The following PDE4D variants were observed in gnomAD, a reference collection of about 807,000 sequenced individuals.
The protein encoded by PDE4D is 3',5'-cyclic-AMP phosphodiesterase 4D.
Under a neutral mutation model 87.4 loss-of-function variants are expected in PDE4D, and 24 were observed. That is an observed-to-expected ratio of 0.27 (90% CI 0.20 to 0.39). The LOEUF (loss-of-function observed/expected upper bound fraction) is 0.39, where lower values mean the gene tolerates loss of function less well. Among genes scored for constraint, PDE4D ranks in the 10% least tolerant of loss-of-function variants. The pLI is 1.00. For synonymous variants in PDE4D, 384 were observed against 383.2 expected (o/e 1.00, Z -0.02); for missense variants, 714 against 1,041.0 (o/e 0.69, Z 4.32).
chr5:60,201,685 T>C (rs944525811), intron 1 of PDE4D, among the ~76,000 whole-genome samples: 2 of 152,140 alleles, frequency 1.3e-5, no homozygotes, highest in African/African-American at 4.8e-5. Context: ...TTCCCCCTTG[T>C]CTCCCATTGC....
intron 2 of PDE4D, among the ~76,000 whole-genome samples, chr5:60,092,522 T>A (rs970831679): frequency 6.6e-6 from 1 of 152,080 alleles, no homozygotes; most frequent in Non-Finnish European, 1.5e-5. Context: ...ACACATTGTA[T>A]ACATGTATAA....
intron 1 of PDE4D, among the ~76,000 whole-genome samples, chr5:60,255,180 G>T (rs1748909182): frequency 6.6e-6 from 1 of 151,778 alleles, no homozygotes; most frequent in Non-Finnish European, 1.5e-5. Flanking sequence ...ATTTAACCAG[G>T]GATGATAAGC....
intron 11 of PDE4D, among the ~76,000 whole-genome samples, chr5:58,984,940 T>A (rs1185946858): frequency 6.6e-6 from 1 of 152,174 alleles, no homozygotes; most frequent in Non-Finnish European, 1.5e-5. Flanking sequence ...GAGATGGAGT[T>A]TCACTCTTGT....
At chr5:59,360,980 A>G (rs1782125806) in intron 1 of PDE4D, among the ~76,000 whole-genome samples, 1 of 152,230 alleles carries the variant, frequency 6.6e-6, no homozygotes, top group African/African-American at 2.4e-5. Flanking sequence ...ATGCTTAAAT[A>G]TAATGATAAA....
intron 6 of PDE4D, among the ~76,000 whole-genome samples, chr5:59,031,165 G>C (rs770692753): frequency 6.6e-6 from 1 of 151,918 alleles, no homozygotes; most frequent in Non-Finnish European, 1.5e-5. Flanking sequence ...ATTGAAAATA[G>C]TATGAAGGTT....
At chr5:59,477,229 T>C (rs139678165) in intron 1 of PDE4D, among the ~76,000 whole-genome samples, 6 of 151,750 alleles carry the variant, frequency 4.0e-5, no homozygotes, top group Admixed American at 2.6e-4. Context: ...AGCTATTACA[T>C]TGATTTTACT....
At chr5:59,017,037 C>T (rs1297013606) in intron 6 of PDE4D, among the ~76,000 whole-genome samples, 1 of 152,080 alleles carries the variant, frequency 6.6e-6, no homozygotes, top group African/African-American at 2.4e-5. Flanking sequence ...ACTCGAATGC[C>T]TAGAATAAGC....
rs534228428 is a variant in PDE4D at position 60,004,090 on chromosome 5, C to G, written c.43-15373G>C. ...CTGGAAGAAAACAGGTGGAAAGCTTCTTGACACTGGTCTTGGTGATTATTA... is the reference window on the plus strand; with the variant it reads ...CTGGAAGAAAACAGGTGGAAAGCTTGTTGACACTGGTCTTGGTGATTATTA... On this transcript the variant is annotated intron_variant, in intron 2 of 16. Transcript: ENST00000502484. Among the ~76,000 whole-genome samples, 4 of 152,206 alleles carry G rather than the reference C, an allele frequency of 2.6e-5. No homozygotes were observed. The South Asian group carries it at 8.3e-4, about 32-fold the overall frequency.
chr5:59,462,532 T>C (rs1800926614), intron 1 of PDE4D, among the ~76,000 whole-genome samples: 1 of 152,174 alleles, frequency 6.6e-6, no homozygotes, highest in African/African-American at 2.4e-5. Context: ...TATTATCTTA[T>C]GACCATCTTA....
At chr5:60,038,311 A>G (rs1768049162) in intron 2 of PDE4D, among the ~76,000 whole-genome samples, 1 of 152,162 alleles carries the variant, frequency 6.6e-6, no homozygotes, top group African/African-American at 2.4e-5. Flanking sequence ...ATAAGGTGTA[A>G]GGAAGGGATC....
chr5:60,209,843 G>C (rs1006044158), intron 1 of PDE4D, among the ~76,000 whole-genome samples: 1 of 152,118 alleles, frequency 6.6e-6, no homozygotes, highest in Admixed American at 6.5e-5. Flanking sequence ...TGAAGTGTTT[G>C]CTTTAAGTTG....
chr5:59,252,324 A>C (rs1034320186), intron 1 of PDE4D, among the ~76,000 whole-genome samples: 3 of 152,146 alleles, frequency 2.0e-5, no homozygotes, highest in Non-Finnish European at 2.9e-5. Flanking sequence ...ACAGTCCAGC[A>C]GAGTGCTTAA....
chr5:60,057,543 C>T (rs1375937027), intron 2 of PDE4D, among the ~76,000 whole-genome samples: 1 of 151,958 alleles, frequency 6.6e-6, no homozygotes, highest in African/African-American at 2.4e-5. Context: ...CTGTGTCTGT[C>T]TTGCACATAG....
intron 1 of PDE4D, among the ~76,000 whole-genome samples, chr5:60,225,082 A>G (rs1340654825): frequency 6.6e-6 from 1 of 151,834 alleles, no homozygotes; most frequent in Non-Finnish European, 1.5e-5. Flanking sequence ...TGGAGCCTCA[A>G]ATTCATTTCA....
chr5:59,624,743 C>T (rs1237941398), intron 1 of PDE4D, among the ~76,000 whole-genome samples: 1 of 152,210 alleles, frequency 6.6e-6, no homozygotes, highest in South Asian at 2.1e-4. Flanking sequence ...AATGGTAGAA[C>T]TCTTAGCATT....
At chr5:59,720,967 A>C (rs1259398406) in intron 1 of PDE4D, among the ~76,000 whole-genome samples, 1 of 152,150 alleles carries the variant, frequency 6.6e-6, no homozygotes, top group Non-Finnish European at 1.5e-5. Context: ...CTTGTATTAG[A>C]GGTTCTCATT....
intron 1 of PDE4D, among the ~76,000 whole-genome samples, chr5:59,315,684 T>C (rs1773573363): frequency 6.6e-6 from 1 of 152,066 alleles, no homozygotes; most frequent in Non-Finnish European, 1.5e-5. Flanking sequence ...ACCCTAGGAA[T>C]TGAGCAGGCA....
At chr5:59,221,607 G>C (rs1441920786) in intron 1 of PDE4D, among the ~76,000 whole-genome samples, 2 of 152,106 alleles carry the variant, frequency 1.3e-5, no homozygotes, top group East Asian at 3.9e-4. Flanking sequence ...ACTCCAGCTT[G>C]GGCGACAGAG....
At chr5:60,047,865 T>C (rs1223797233) in intron 2 of PDE4D, among the ~76,000 whole-genome samples, 1 of 152,154 alleles carries the variant, frequency 6.6e-6, no homozygotes, top group East Asian at 1.9e-4. Context: ...GAGAGTTCTG[T>C]AGATGTCTAT....
Sources: allele counts gnomAD v4.1 joint callset (sites outside exome capture counted in the v4.1 genomes callset), GRCh38; gene constraint gnomAD v4.1.1; transcripts MANE v1.5; gene names NCBI Gene and HGNC (gene_info 2026-07-23, HGNC 2026-07-21).